Variants in ROR1 observed in about 807,000 individuals in gnomAD.
ROR1 encodes inactive tyrosine-protein kinase transmembrane receptor ROR1.
ROR1 carries 19 observed loss-of-function variants against 78.8 expected under a neutral mutation model. The ratio of observed to expected loss-of-function variants is 0.24; its 90% CI spans 0.17 to 0.35. The LOEUF is 0.35. Ranked by LOEUF, ROR1 falls within the 10% of genes least tolerant of loss-of-function variation. The pLI is 1.00. For missense variants in ROR1, 917 were observed against 1,177.8 expected, an observed-to-expected ratio of 0.78 and a Z score of 3.24; for synonymous variants, 386 against 433.6, an observed-to-expected ratio of 0.89 and a Z score of 1.36.
chr1:64,152,675 T>A (rs541347221), intron 7 of ROR1, among the ~76,000 whole-genome samples: 1 of 152,352 alleles, frequency 6.6e-6, no homozygotes, highest in East Asian at 1.9e-4. Flanking sequence ...TTTTAAAATT[T>A]CAGCTTCTGG....
At chr1:64,115,378 G>C (rs1648279333) in intron 4 of ROR1, among the ~76,000 whole-genome samples, 1 of 151,954 alleles carries the variant, frequency 6.6e-6, no homozygotes, top group Non-Finnish European at 1.5e-5. Flanking sequence ...ACCATGCCTG[G>C]CTAATTTTTA....
chr1:64,060,407 C>T (rs1328601372), intron 4 of ROR1, among the ~76,000 whole-genome samples: 1 of 152,158 alleles, frequency 6.6e-6, no homozygotes, highest in Non-Finnish European at 1.5e-5. Flanking sequence ...CCTTTATTTC[C>T]TTTTCTCTCA....
intron 1 of ROR1, among the ~76,000 whole-genome samples, chr1:63,805,228 G>A (rs1644821368): frequency 1.3e-5 from 2 of 152,218 alleles, no homozygotes; most frequent in South Asian, 4.1e-4. Context: ...ACCTGATCAG[G>A]GAGGGGAAGG....
At chr1:64,026,560 A>G (rs1339725660) in intron 2 of ROR1, among the ~76,000 whole-genome samples, 1 of 152,166 alleles carries the variant, frequency 6.6e-6, no homozygotes, top group African/African-American at 2.4e-5. Flanking sequence ...GTACTAGTCC[A>G]TTTTCACGCT....
At chr1:64,021,083 A>C (rs1321348373) in intron 2 of ROR1, among the ~76,000 whole-genome samples, 1 of 151,976 alleles carries the variant, frequency 6.6e-6, no homozygotes, top group Non-Finnish European at 1.5e-5. Context: ...AGGAAGTTCA[A>C]ATCCCCGCAT....
At chr1:64,067,518 T>A (rs1646967128) in intron 4 of ROR1, among the ~76,000 whole-genome samples, 1 of 139,834 alleles carries the variant, frequency 7.2e-6, no homozygotes, top group Non-Finnish European at 1.5e-5. Context: ...ATTAAAAACA[T>A]AGGTTCACAT....
At chr1:63,864,010 G>A (rs1374114219) in intron 1 of ROR1, among the ~76,000 whole-genome samples, 1 of 151,956 alleles carries the variant, frequency 6.6e-6, no homozygotes, top group Admixed American at 6.6e-5. Flanking sequence ...TAGCATAATA[G>A]CAGCTAGCAT....
chr1:63,904,135 T>A (rs855828), intron 1 of ROR1, among the ~76,000 whole-genome samples: 3 of 152,090 alleles, frequency 2.0e-5, no homozygotes, highest in Non-Finnish European at 4.4e-5. Context: ...GCTGAAGAAC[T>A]CAAGTCTCTA....
chr1:63,912,982 G>A (rs1645583381), intron 1 of ROR1, among the ~76,000 whole-genome samples: 1 of 151,910 alleles, frequency 6.6e-6, no homozygotes, highest in South Asian at 2.1e-4. Context: ...CATCTTCCCT[G>A]TCTTTACTTG....
intron 4 of ROR1, among the ~76,000 whole-genome samples, chr1:64,079,534 C>T (rs1647082651): frequency 1.3e-5 from 2 of 151,066 alleles, no homozygotes; most frequent in South Asian, 4.2e-4. Flanking sequence ...TACAGTGGCG[C>T]AGTCTCGGCT....
chr1:64,002,426 G>A (rs886818592), intron 1 of ROR1, among the ~76,000 whole-genome samples: 7 of 152,066 alleles, frequency 4.6e-5, no homozygotes, highest in African/African-American at 1.4e-4. Context: ...GCCCGGCCTG[G>A]TTCGAGCTTT....
intron 1 of ROR1, among the ~76,000 whole-genome samples, chr1:63,873,714 T>G (rs2100362887): frequency 6.6e-6 from 1 of 151,456 alleles, no homozygotes; most frequent in African/African-American, 2.4e-5. Context: ...TTTTTCCAAG[T>G]AATACATGGT....
intron 1 of ROR1, among the ~76,000 whole-genome samples, chr1:63,995,921 C>T (rs1200419238): frequency 6.6e-6 from 1 of 152,090 alleles, no homozygotes. Flanking sequence ...AAATACACTC[C>T]ACCTCTTCAT....
intron 4 of ROR1, among the ~76,000 whole-genome samples, chr1:64,128,442 C>T (rs1218146260): frequency 6.6e-6 from 1 of 152,010 alleles, no homozygotes; most frequent in African/African-American, 2.4e-5. Flanking sequence ...GCACTCCAGC[C>T]TAGGTGACAG....
At chr1:64,028,594 A>G (rs774408889) in intron 2 of ROR1, among the ~76,000 whole-genome samples, 4 of 152,196 alleles carry the variant, frequency 2.6e-5, no homozygotes, top group Non-Finnish European at 4.4e-5. Flanking sequence ...AGAAGATGCA[A>G]TTGCCATCCA....
chr1:64,109,074 C>A (rs868305375), intron 4 of ROR1, among the ~76,000 whole-genome samples: 12 of 152,238 alleles, frequency 7.9e-5, no homozygotes, highest in South Asian at 2.1e-4. Flanking sequence ...CTGATACAAA[C>A]CCCCGGCTTA....
In ROR1 at chr1:64,109,233, T is replaced by C. The variant is rs145876778; in HGVS notation, c.483-28136T>C. Among the ~76,000 whole-genome samples the C allele has an allele frequency of 3.8e-4, 58 of 152,288 alleles. 1 individual carries two copies. In the East Asian group the frequency reaches 0.011, roughly 28 times the overall value. ...AGCCAAATCTTCTAGACCTTATAGA[T>C]CAGCTCCGATGCACAAGATTGGCAT... On this transcript the variant is annotated intron_variant, in intron 4 of 8. Transcript: ENST00000371079.
intron 7 of ROR1, among the ~76,000 whole-genome samples, chr1:64,152,307 T>C (rs1222508662): frequency 1.3e-5 from 2 of 152,228 alleles, no homozygotes; most frequent in Non-Finnish European, 2.9e-5. Flanking sequence ...TCCCCATTCT[T>C]CTCCTCTAGG....
chr1:63,789,899 C>G (rs1644715495), intron 1 of ROR1, among the ~76,000 whole-genome samples: 1 of 152,108 alleles, frequency 6.6e-6, no homozygotes, highest in Non-Finnish European at 1.5e-5. Flanking sequence ...ACATGACTTT[C>G]AGGCAGGCCC....
Sources: allele counts gnomAD v4.1 joint callset (sites outside exome capture counted in the v4.1 genomes callset), GRCh38; gene constraint gnomAD v4.1.1; transcripts MANE v1.5; gene names NCBI Gene and HGNC (gene_info 2026-07-23, HGNC 2026-07-21).